The following GRM8 variants were observed in gnomAD, a reference collection of about 807,000 sequenced individuals.
The protein encoded by GRM8 is metabotropic glutamate receptor 8.
A neutral mutation model predicts 87.2 loss-of-function variants in GRM8; 47 were observed. The ratio of observed to expected loss-of-function variants is 0.54; its 90% confidence interval spans 0.43 to 0.69. The LOEUF (loss-of-function observed/expected upper bound fraction) is 0.69. Among genes scored for constraint, GRM8 ranks in the 30% least tolerant of loss-of-function variants. GRM8 has a pLI of 0.00. For synonymous variants in GRM8, 396 were observed against 404.5 expected (o/e 0.98, Z 0.25); for missense variants, 1,019 against 1,139.2 (o/e 0.89, Z 1.52).
At chr7:127,140,258 G>T (rs1016855311) in intron 2 of GRM8, among the ~76,000 whole-genome samples, 2 of 151,922 alleles carry the variant, frequency 1.3e-5, no homozygotes, top group Non-Finnish European at 2.9e-5. Flanking sequence ...AGGTTTAGTG[G>T]CATCCCTGGT....
intron 9 of GRM8, among the ~76,000 whole-genome samples, chr7:126,472,580 C>T (rs2150562941): frequency 6.6e-6 from 1 of 152,262 alleles, no homozygotes; most frequent in South Asian, 2.1e-4. Flanking sequence ...AAATTTGCAG[C>T]TGACAATGCA....
chr7:126,782,750 G>T (rs1224650923), intron 6 of GRM8, among the ~76,000 whole-genome samples: 1 of 152,038 alleles, frequency 6.6e-6, no homozygotes, highest in Non-Finnish European at 1.5e-5. Flanking sequence ...AAAATTTTAG[G>T]GTGTCTGTGT....
At chr7:126,549,379 A>G (rs1266646935) in intron 8 of GRM8, among the ~76,000 whole-genome samples, 1 of 152,176 alleles carries the variant, frequency 6.6e-6, no homozygotes, top group Non-Finnish European at 1.5e-5. Flanking sequence ...GAAAAGCCCA[A>G]TAAAATTCAA....
rs1046092170 is a variant in GRM8 at position 127,209,889 on chromosome 7, C to G, written c.510+32806G>C. On this transcript the variant is annotated intron_variant, in intron 2 of 10. Coordinates refer to ENST00000339582, the MANE Select transcript of GRM8 (RefSeq NM_000845.3). ...CAACAAATCAGACAACCCCTACCCC[C>G]GACCCCATGGCTCAATGAGAGCTTC... Among the ~76,000 whole-genome samples the G allele has an allele frequency of 1.6e-4, 25 of 152,124 alleles. 1 individual carries two copies. The highest frequency in any genetic ancestry group is 4.4e-5 in the Non-Finnish European group (3 of 68,010).
intron 6 of GRM8, among the ~76,000 whole-genome samples, chr7:126,858,240 T>C (rs181213054): frequency 3.3e-5 from 5 of 152,280 alleles, no homozygotes; most frequent in Admixed American, 2.0e-4. Context: ...TATATCTACA[T>C]TGACCCCTAC....
chr7:126,921,801 A>G (rs1036368273), intron 3 of GRM8, among the ~76,000 whole-genome samples: 1 of 152,176 alleles, frequency 6.6e-6, no homozygotes, highest in Non-Finnish European at 1.5e-5. Context: ...CCTTCCATGC[A>G]TACCTTTTTT....
At chr7:127,094,077 T>TAA (rs1824413576) in intron 3 of GRM8, among the ~76,000 whole-genome samples, 2 of 152,338 alleles carry the variant, frequency 1.3e-5, no homozygotes, top group South Asian at 4.1e-4. Flanking sequence ...CCAACTCTTT[T>TAA]AAGGCCTATA....
chr7:126,719,341 A>C, intron 7 of GRM8, among the ~76,000 whole-genome samples: 1 of 152,248 alleles, frequency 6.6e-6, no homozygotes, highest in Non-Finnish European at 1.5e-5. Flanking sequence ...CATAGATTTC[A>C]CTTTCTAAAC....
At chr7:126,983,785 A>G (rs988440403) in intron 3 of GRM8, among the ~76,000 whole-genome samples, 1 of 152,170 alleles carries the variant, frequency 6.6e-6, no homozygotes, top group Non-Finnish European at 1.5e-5. Flanking sequence ...TGACCCAGAC[A>G]CTTCAGGAAT....
intron 6 of GRM8, among the ~76,000 whole-genome samples, chr7:126,826,367 C>T (rs1794797069): frequency 6.6e-6 from 1 of 152,186 alleles, no homozygotes; most frequent in Admixed American, 6.5e-5. Flanking sequence ...TTCTCCACAT[C>T]CTCTCCAGCA....
At chr7:126,958,317 G>A (rs1408816630) in intron 3 of GRM8, among the ~76,000 whole-genome samples, 21 of 152,320 alleles carry the variant, frequency 1.4e-4, no homozygotes, top group Admixed American at 1.3e-3. Context: ...AAGAGCTGCA[G>A]CCCTTCGGGG....
chr7:127,169,129 A>C (rs1793633171), intron 2 of GRM8, among the ~76,000 whole-genome samples: 1 of 152,142 alleles, frequency 6.6e-6, no homozygotes, highest in Non-Finnish European at 1.5e-5. Context: ...GCAAATAAAA[A>C]GCTGAGACTG....
At chr7:126,861,618 AT>A (rs953598216) in intron 6 of GRM8, among the ~76,000 whole-genome samples, 41 of 150,192 alleles carry the variant, frequency 2.7e-4, no homozygotes, top group Admixed American at 1.1e-3. Flanking sequence ...TATGCCCTTG[AT>A]TTTTTTTTAA....
chr7:127,035,918 A>G (rs1296867525), intron 3 of GRM8, among the ~76,000 whole-genome samples: 1 of 152,084 alleles, frequency 6.6e-6, no homozygotes. Flanking sequence ...GCATTCCCTG[A>G]CAATATGACA....
At chr7:126,954,325 G>T (rs1808463553) in intron 3 of GRM8, among the ~76,000 whole-genome samples, 1 of 152,078 alleles carries the variant, frequency 6.6e-6, no homozygotes, top group Non-Finnish European at 1.5e-5. Flanking sequence ...AGACCCTTAA[G>T]CCTTTCCCCT....
At chr7:126,470,759 T>C (rs1185615506) in intron 9 of GRM8, among the ~76,000 whole-genome samples, 1 of 152,212 alleles carries the variant, frequency 6.6e-6, no homozygotes. Flanking sequence ...CCCTGAGGAA[T>C]GGCCACACTG....
chr7:126,768,629 G>A (rs1407465394), intron 7 of GRM8, among the ~76,000 whole-genome samples: 1 of 151,914 alleles, frequency 6.6e-6, no homozygotes, highest in Non-Finnish European at 1.5e-5. Flanking sequence ...TTCTGGAGGT[G>A]AGCTTCAGTT....
intron 6 of GRM8, among the ~76,000 whole-genome samples, chr7:126,865,430 A>G (rs913727453): frequency 6.6e-6 from 1 of 152,216 alleles, no homozygotes; most frequent in East Asian, 1.9e-4. Context: ...TATACTTCAC[A>G]TGTCACACAA....
intron 3 of GRM8, among the ~76,000 whole-genome samples, chr7:127,104,229 T>C (rs1825600294): frequency 6.6e-6 from 1 of 152,134 alleles, no homozygotes; most frequent in African/African-American, 2.4e-5. Context: ...TCCAAAAAAA[T>C]TGAATGTATA....
Sources: gnomAD v4.1 joint callset for allele counts (sites outside exome capture counted in the v4.1 genomes callset) on GRCh38, gnomAD v4.1.1 for gene constraint, MANE v1.5 for transcripts, NCBI Gene and HGNC (gene_info 2026-07-23, HGNC 2026-07-21) for gene names.